TTC23: variants seen among roughly 807,000 people sequenced by gnomAD.
The protein encoded by TTC23 is tetratricopeptide repeat protein 23.
A neutral mutation model predicts 55.1 loss-of-function variants in TTC23; 58 were observed. The ratio of observed to expected loss-of-function variants is 1.05; its 90% CI spans 0.85 to 1.31. The LOEUF (loss-of-function observed/expected upper bound fraction) is 1.31, where lower values mean the gene tolerates loss of function less well. Ranked by LOEUF, TTC23 falls within the 50% of genes most tolerant of loss-of-function variation. The probability of loss-of-function intolerance (pLI) is 0.00; values close to 1 mark genes in which losing one functional copy is unlikely to be tolerated. For missense variants in TTC23, 516 were observed against 534.4 expected (o/e 0.97, Z 0.34); for synonymous variants, 203 against 199.9 (o/e 1.02, Z -0.13).
intron 8 of TTC23, among the ~76,000 whole-genome samples, chr15:99,205,621 C>T (rs1299356051): frequency 6.6e-6 from 1 of 151,108 alleles, no homozygotes; most frequent in Non-Finnish European, 1.5e-5. Flanking sequence ...TAGCTGTTGG[C>T]ATACAGAAAT....
At chr15:99,209,522 A>G (rs1267099324) in intron 8 of TTC23, among the ~76,000 whole-genome samples, 1 of 152,142 alleles carries the variant, frequency 6.6e-6, no homozygotes, top group Non-Finnish European at 1.5e-5. Flanking sequence ...CTGCTGGGCC[A>G]CTTTCCAGCT....
intron 8 of TTC23, among the ~76,000 whole-genome samples, chr15:99,205,740 A>G (rs2076577138): frequency 1.3e-5 from 2 of 152,182 alleles, no homozygotes; most frequent in Admixed American, 1.3e-4. Context: ...ATATAAGATC[A>G]TATCATCTAC....
chr15:99,179,996 A>G (rs958212921), intron 9 of TTC23, among the ~76,000 whole-genome samples: 1 of 152,242 alleles, frequency 6.6e-6, no homozygotes, highest in South Asian at 2.1e-4. Context: ...ACCCTGTTAC[A>G]TGCATCTGAG....
At chr15:99,175,237 C>G in intron 9 of TTC23, 82 bp from the exon 10 acceptor site, 2 of 1,156,366 alleles carry the variant, frequency 1.7e-6, no homozygotes, top group Admixed American at 4.4e-5. Context: ...CAGAGATAAG[C>G]AGAAAGCCAA....
chr15:99,172,730 C>T (rs529504727), intron 10 of TTC23, among the ~76,000 whole-genome samples: 3 of 152,280 alleles, frequency 2.0e-5, no homozygotes, highest in Non-Finnish European at 4.4e-5. Context: ...AGAACCATTG[C>T]TGGTATGCCA....
At chr15:99,150,091 G>A (rs1332354370) in intron 12 of TTC23, among the ~76,000 whole-genome samples, 2 of 152,208 alleles carry the variant, frequency 1.3e-5, no homozygotes, top group Non-Finnish European at 2.9e-5. Flanking sequence ...TTGGCTCTGC[G>A]TTTTCCTCTC....
chr15:99,193,331 C>T (rs981140741), intron 9 of TTC23, among the ~76,000 whole-genome samples: 2 of 152,256 alleles, frequency 1.3e-5, no homozygotes, highest in East Asian at 1.9e-4. Flanking sequence ...TCTTGTAGTT[C>T]CCATAATTCC....
At chr15:99,172,349 C>G (rs1234315890) in intron 10 of TTC23, among the ~76,000 whole-genome samples, 2 of 152,190 alleles carry the variant, frequency 1.3e-5, no homozygotes, top group Non-Finnish European at 2.9e-5. Context: ...CGAATGCCCT[C>G]AGCTGCTGCA....
intron 9 of TTC23, among the ~76,000 whole-genome samples, chr15:99,189,897 C>G (rs531862248): frequency 9.2e-5 from 14 of 152,222 alleles, no homozygotes; most frequent in Admixed American, 1.3e-4. Context: ...CCCTGAAAAG[C>G]CAGGAGTAGT....
At chr15:99,155,419 T>C (rs1555498682) in intron 12 of TTC23, 1 of 152,184 alleles carries the variant, frequency 6.6e-6, no homozygotes, top group Admixed American at 6.5e-5. Flanking sequence ...GTAAGCTCTT[T>C]ATGGAGTTAG....
intron 3 of TTC23, among the ~76,000 whole-genome samples, chr15:99,237,751 T>C (rs1441043386): frequency 6.6e-6 from 1 of 152,122 alleles, no homozygotes; most frequent in Non-Finnish European, 1.5e-5. Flanking sequence ...GATATGCTCA[T>C]TATCTTGACT....
chr15:99,154,194 T>G (rs911323630), intron 12 of TTC23, among the ~76,000 whole-genome samples: 6 of 152,218 alleles, frequency 3.9e-5, no homozygotes, highest in Non-Finnish European at 8.8e-5. Context: ...TTTCAGTGCA[T>G]GAAAGATAAG....
At position 99,139,388 on chromosome 15, in the gene TTC23, G is replaced by A; in HGVS notation, c.1155C>T (p.Ile385=). The A allele has an allele frequency of 2.5e-6, 4 of 1,614,148 alleles. No individual in the cohort carries two copies. The highest frequency in any genetic ancestry group is 3.4e-6 in the Non-Finnish European group (4 of 1,180,020). ...ARKKLKKCLQ[I]QTLLYGPQDK... is the part of the protein sequence containing the mutation. Reference sequence around the variant, plus strand: ...CCTGCGGTCCATATAAGAGGGTCTGGATCTGGAGACACTGTAGAACACCAA... The same window carrying A: ...CCTGCGGTCCATATAAGAGGGTCTGAATCTGGAGACACTGTAGAACACCAA... The change falls in exon 13 of 14, where the codon ATC becomes ATT. Residue 385 remains isoleucine (I), a synonymous_variant. Coordinates refer to ENST00000394132, the MANE Select transcript of TTC23 (RefSeq NM_001288615.3).
rs2077954926 is a variant in TTC23 at position 99,221,783 on chromosome 15, C to G, written c.262G>C (p.Glu88Gln). The G allele has an allele frequency of 6.2e-7, 1 of 1,614,164 alleles. No homozygotes were observed. Among genetic ancestry groups the G allele is most frequent in the Non-Finnish European group, 8.5e-7 (1 of 1,180,020 alleles). Reference sequence around the variant, plus strand: ...CCTTGAGCCAGATTAACATGTGCCTCTGCTAGTTTCCAATGTGAGTCTCCA... The same window carrying G: ...CCTTGAGCCAGATTAACATGTGCCTGTGCTAGTTTCCAATGTGAGTCTCCA... ...CYGDSHWKLA[E>Q]AHVNLAQGYL... The change falls in exon 6 of 14, where the codon GAG (glutamate) becomes CAG (glutamine). Residue 88 changes from glutamate to glutamine, a missense_variant. Physicochemically the swap from Glu to Gln is conservative, Grantham distance 29. Transcript: ENST00000394132.
chr15:99,195,389 C>A (rs1251822175), intron 9 of TTC23, among the ~76,000 whole-genome samples: 1 of 152,184 alleles, frequency 6.6e-6, no homozygotes, highest in African/African-American at 2.4e-5. Flanking sequence ...CACTACACAC[C>A]TATTAGACTG....
intron 8 of TTC23, among the ~76,000 whole-genome samples, chr15:99,216,216 T>C (rs1372753221): frequency 6.6e-6 from 1 of 152,226 alleles, no homozygotes; most frequent in Non-Finnish European, 1.5e-5. Context: ...GAGTAATTTA[T>C]AAACTGAGTT....
At chr15:99,242,294 AT>A (rs1291989612) in intron 2 of TTC23, among the ~76,000 whole-genome samples, 18 of 152,136 alleles carry the variant, frequency 1.2e-4, no homozygotes, top group African/African-American at 3.4e-4. Flanking sequence ...TGATAAAAAA[AT>A]AACAGAAAAA....
chr15:99,188,986 C>A (rs2074991018), intron 9 of TTC23, among the ~76,000 whole-genome samples: 1 of 152,062 alleles, frequency 6.6e-6, no homozygotes, highest in Admixed American at 6.5e-5. Flanking sequence ...CTCCCTTCAA[C>A]CTAGTGGTCC....
At chr15:99,237,597 T>C (rs965893522) in intron 3 of TTC23, among the ~76,000 whole-genome samples, 11 of 152,126 alleles carry the variant, frequency 7.2e-5, no homozygotes, top group African/African-American at 2.7e-4. Flanking sequence ...CTCCAATGTA[T>C]AATGACCAAA....
Sources: allele counts gnomAD v4.1 joint callset (sites outside exome capture counted in the v4.1 genomes callset), GRCh38; gene constraint gnomAD v4.1.1; transcripts MANE v1.5; gene names NCBI Gene and HGNC (gene_info 2026-07-23, HGNC 2026-07-21).